Variants in NOMO2 observed in about 807,000 individuals in gnomAD.
NOMO2 encodes the protein BOS complex subunit NOMO2.
Under a neutral mutation model 67.1 loss-of-function variants are expected in NOMO2, and 14 were observed. The observed-to-expected ratio is 0.21, with a 90% CI of 0.14 to 0.33. The LOEUF (loss-of-function observed/expected upper bound fraction) is 0.33. Ranked by LOEUF, NOMO2 falls within the 10% of genes least tolerant of loss-of-function variation. The pLI is 1.00. For synonymous variants in NOMO2, 80 were observed against 305.9 expected (o/e 0.26, Z 7.71); for missense variants, 178 against 761.0 (o/e 0.23, Z 9.01).
At chr16:18,550,535 C>T (rs1405501943) in intron 4 of NOMO2, among the ~76,000 whole-genome samples, 1 of 151,588 alleles carries the variant, frequency 6.6e-6, no homozygotes, top group African/African-American at 2.4e-5. Flanking sequence ...AGAAAGAAGT[C>T]CATCATGAAG....
At chr16:18,553,345 C>A (rs62044027) in intron 3 of NOMO2, among the ~76,000 whole-genome samples, 1 of 151,500 alleles carries the variant, frequency 6.6e-6, no homozygotes, top group Non-Finnish European at 1.5e-5. Flanking sequence ...GAATTCTCAA[C>A]AGCAAAGAGA....
At chr16:18,537,315 G>T (rs1256358062) in intron 11 of NOMO2, among the ~76,000 whole-genome samples, 1 of 150,606 alleles carries the variant, frequency 6.6e-6, no homozygotes, top group East Asian at 1.9e-4. Context: ...TTCCCTACAA[G>T]GCAAGCCCTT....
chr16:18,553,362 TA>T, intron 3 of NOMO2, among the ~76,000 whole-genome samples: 1 of 151,924 alleles, frequency 6.6e-6, no homozygotes, highest in East Asian at 1.9e-4. Flanking sequence ...GAGAATGAAC[TA>T]AAGCTACAAA....
chr16:18,529,824 A>G (rs1799729256), intron 14 of NOMO2, among the ~76,000 whole-genome samples, 187 bp from the exon 15 acceptor site: 1 of 151,020 alleles, frequency 6.6e-6, no homozygotes, highest in Non-Finnish European at 1.5e-5. Context: ...ACTGCTAAAG[A>G]AAACCTGGAG....
chr16:18,547,735 A>C (rs1227479426), intron 5 of NOMO2, among the ~76,000 whole-genome samples: 2 of 151,712 alleles, frequency 1.3e-5, no homozygotes, highest in African/African-American at 4.8e-5. Flanking sequence ...ACAGATGCAC[A>C]GGCTGAGGGG....
chr16:18,558,863 T>C (rs1901972954), intron 1 of NOMO2: 1 of 455,456 alleles, frequency 2.2e-6, no homozygotes, highest in South Asian at 1.5e-5. Flanking sequence ...TGCTACAGAA[T>C]ATGGATTCAA....
At chr16:18,528,921 T>C (rs1472229532) in intron 15 of NOMO2, among the ~76,000 whole-genome samples, 3 of 137,958 alleles carry the variant, frequency 2.2e-5, no homozygotes, top group Admixed American at 7.6e-5. Flanking sequence ...TGAGCCGAGA[T>C]TGCGCCACTG....
chr16:18,556,129 G>A (rs1901898306), intron 2 of NOMO2, among the ~76,000 whole-genome samples: 1 of 134,188 alleles, frequency 7.5e-6, no homozygotes, highest in South Asian at 2.6e-4. Flanking sequence ...GTTTGGGTTT[G>A]ACTCTGACAC....
At chr16:18,520,325 C>T (rs1236349868) in intron 20 of NOMO2, among the ~76,000 whole-genome samples, 7 of 80,300 alleles carry the variant, frequency 8.7e-5, no homozygotes, top group Non-Finnish European at 1.8e-4. Context: ...AAGATCAACT[C>T]AATTCTAACA....
At position 18,550,233 on chromosome 16, in the gene NOMO2, GTGGCACACGCC is replaced by G. The variant is rs1901750502; in HGVS notation, c.403-617_403-607del. Among the ~76,000 whole-genome samples, 8 of 135,050 alleles carry G rather than the reference GTGGCACACGCC, an allele frequency of 5.9e-5. No homozygotes were observed. The South Asian group carries it at 1.7e-3, about 29-fold the overall frequency. The allele number at this position is 135,050 out of a possible 152,430, so 88.6% of individuals were successfully genotyped here. On this transcript the variant is annotated intron_variant, in intron 4 of 30. Transcript: ENST00000622306. ...AAAATATAAAAATTAGCTGGGTCAG[GTGGCACACGCC>G]TGTAATCCCAGCTACTGGGGAGGCT... is the stretch of plus-strand genomic sequence containing the variant.
At position 18,541,532 on chromosome 16, in the gene NOMO2, C is replaced by A. The variant is rs1357213490; in HGVS notation, c.963+640G>T. ...ACTTATACATCTATACATGTATTGA[C>A]CCTTCCTGTCATTAGAACATGAGGT... On this transcript the variant is annotated intron_variant, in intron 9 of 30. Coordinates refer to ENST00000622306, the MANE Select transcript of NOMO2 (RefSeq NM_173614.4). Among the ~76,000 whole-genome samples the A allele has an allele frequency of 9.3e-5, 14 of 151,032 alleles. No individual in the cohort carries two copies. In the East Asian group the frequency reaches 2.8e-3, roughly 30 times the overall value.
intron 20 of NOMO2, among the ~76,000 whole-genome samples, 183 bp downstream of exon 20, chr16:18,520,414 A>ACCATCCATCCAT (rs766197133): frequency 2.7e-5 from 4 of 146,268 alleles, no homozygotes; most frequent in African/African-American, 1.0e-4. Context: ...ATCCAACCCA[A>ACCATCCATCCAT]CCATCCATCC....
At chr16:18,529,927 C>A (rs1481912797) in intron 14 of NOMO2, among the ~76,000 whole-genome samples, 1 of 150,552 alleles carries the variant, frequency 6.6e-6, no homozygotes, top group East Asian at 1.9e-4. Flanking sequence ...ACCAGTCTGA[C>A]CAACATAGCA....
intron 1 of NOMO2, among the ~76,000 whole-genome samples, chr16:18,561,463 A>C (rs898140251): frequency 3.4e-5 from 5 of 148,630 alleles, no homozygotes; most frequent in African/African-American, 1.2e-4. Context: ...TTTGGGGGAT[A>C]AGACATGTGG....
chr16:18,540,380 G>T (rs1186576017), intron 9 of NOMO2, among the ~76,000 whole-genome samples: 1 of 151,760 alleles, frequency 6.6e-6, no homozygotes, highest in Admixed American at 6.6e-5. Context: ...TAAATCACAT[G>T]TTAGGAAAAC....
intron 6 of NOMO2, among the ~76,000 whole-genome samples, chr16:18,545,298 A>AT (rs1448852217): frequency 4.0e-5 from 6 of 149,536 alleles, no homozygotes; most frequent in African/African-American, 1.2e-4. Context: ...CGGTTTCACC[A>AT]TGTTGGCCAG....
At chr16:18,544,888 C>T (rs542852661) in intron 6 of NOMO2, among the ~76,000 whole-genome samples, 25 of 151,846 alleles carry the variant, frequency 1.6e-4, no homozygotes, top group Non-Finnish European at 3.7e-4. Context: ...AGAAGAGCAC[C>T]AGCAAGCCAG....
intron 13 of NOMO2, 108 bp downstream of exon 13, chr16:18,531,358 G>A: frequency 1.3e-6 from 2 of 1,578,778 alleles, no homozygotes; most frequent in Non-Finnish European, 1.7e-6. Context: ...CTCGCACGCA[G>A]GTGATCAGTA....
At chr16:18,559,651 T>C (rs545542872) in intron 1 of NOMO2, among the ~76,000 whole-genome samples, 1 of 152,024 alleles carries the variant, frequency 6.6e-6, no homozygotes, top group South Asian at 2.1e-4. Context: ...GACAAAGAGA[T>C]TCAGATGCAT....
Sources: allele counts gnomAD v4.1 joint callset (sites outside exome capture counted in the v4.1 genomes callset), GRCh38; gene constraint gnomAD v4.1.1; transcripts MANE v1.5; gene names NCBI Gene and HGNC (gene_info 2026-07-23, HGNC 2026-07-21).